The following RPS6KA4 variants were observed in gnomAD, a reference collection of about 807,000 sequenced individuals.
RPS6KA4 encodes the protein ribosomal protein S6 kinase A4.
A neutral mutation model predicts 89.6 loss-of-function variants in RPS6KA4; 38 were observed. The observed-to-expected ratio is 0.42, with a 90% CI of 0.33 to 0.56. The LOEUF (loss-of-function observed/expected upper bound fraction) is 0.56, where lower values mean the gene tolerates loss of function less well. Among genes scored for constraint, RPS6KA4 ranks in the 20% least tolerant of loss-of-function variants. The probability of loss-of-function intolerance (pLI) is 0.07; values close to 1 mark genes in which losing one functional copy is unlikely to be tolerated. For synonymous variants in RPS6KA4, 495 were observed against 492.8 expected (o/e 1.00, Z -0.06); for missense variants, 873 against 1,098.8 (o/e 0.79, Z 2.90).
chr11:64,360,717 T>A, intron 4 of RPS6KA4, 125 bp downstream of exon 4: 2 of 839,000 alleles, frequency 2.4e-6, no homozygotes, highest in Non-Finnish European at 3.7e-6. Flanking sequence ...GTGAGCTGGG[T>A]GGGAATTGGA....
chr11:64,370,244 A>C lies in RPS6KA4; in HGVS notation c.1817A>C (p.Gln606Pro). 6.4e-7 allele frequency: 1 copy of C among 1,569,456 alleles called. No homozygotes were observed. Among genetic ancestry groups the C allele is most frequent in the Non-Finnish European group, 8.6e-7 (1 of 1,165,162 alleles). The change falls in exon 15 of 17, where the codon CAG becomes CCG. Residue 606 changes from glutamine (Q) to proline (P), a missense_variant. By Grantham distance (76) the Gln-to-Pro change is moderately conservative. This residue lies in a region of RPS6KA4 where 278 missense variants were observed against 284.8 expected (regional missense o/e 0.98). Transcript: ENST00000334205. The surrounding 1 kb of genome is among the most constrained non-coding windows in gnomAD (Gnocchi z 4.1). ...TCCTAGTACATGATGCTGTCGGGGCAGGTCCCCTTCCAGGGGGCCTCTGGC... is the reference window on the plus strand; with the variant it reads ...TCCTAGTACATGATGCTGTCGGGGCCGGTCCCCTTCCAGGGGGCCTCTGGC... The part of the protein sequence containing the change: ...GVILYMMLSG[Q>P]VPFQGASGQG...
intron 16 of RPS6KA4, 110 bp from the exon 17 acceptor site, chr11:64,371,173 T>G (rs1260127843): frequency 2.1e-6 from 2 of 952,764 alleles, no homozygotes; most frequent in African/African-American, 3.5e-5. Context: ...CAAGGCCCTG[T>G]CGGCCTTGAC....
In RPS6KA4 at chr11:64,369,768, C is replaced by A; in HGVS notation, c.1672C>A (p.Arg558=). 1.2e-6 allele frequency: 2 copies of A among 1,611,528 alleles called. No individual in the cohort carries two copies. Among genetic ancestry groups the A allele is most frequent in the Non-Finnish European group, 1.7e-6 (2 of 1,179,380 alleles). Residue 558 remains arginine (R), a synonymous_variant, in exon 14 of 17, where the codon CGG becomes AGG. Coordinates refer to ENST00000334205, the MANE Select transcript of RPS6KA4 (RefSeq NM_003942.3). Reference sequence around the variant, plus strand: ...CATCGACTTCGGGTTCGCGCGGTTGCGGCCGCAGAGTCCCGGGGTGCCCAT... The same window carrying A: ...CATCGACTTCGGGTTCGCGCGGTTGAGGCCGCAGAGTCCCGGGGTGCCCAT... ...KIIDFGFARL[R]PQSPGVPMQT...
chr11:64,361,259 C>T lies in RPS6KA4; in HGVS notation c.570+18C>T. ...CGGAGGAGGTGAGTGGAGGCCACCT[C>T]TGCCTGCAGTGCCCCATTCAATCCT... On this transcript the variant is annotated intron_variant, in intron 5 of 16. Transcript: ENST00000334205. This position sits in a 1 kb window ranked among gnomAD's most constrained non-coding sequence, Gnocchi z 4.7. 6.3e-7 allele frequency: 1 copy of T among 1,597,228 alleles called. No individual in the cohort carries two copies. Among genetic ancestry groups the T allele is most frequent in the Non-Finnish European group, 8.6e-7 (1 of 1,165,912 alleles).
At position 64,371,435 on chromosome 11, in the gene RPS6KA4, C is replaced by A; in HGVS notation, c.2274C>A (p.Ser758=). The change falls in exon 17 of 17, where the codon TCC becomes TCA. Residue 758 remains serine, a synonymous_variant. Coordinates refer to ENST00000334205, the MANE Select transcript of RPS6KA4 (RefSeq NM_003942.3). ...PANPGRAPVA[S]KGAPRRANGP... is the part of the protein sequence containing the mutation. ...ACCCGGGCCGAGCCCCCGTCGCCTC[C>A]AAAGGGGCCCCCCGCCGAGCCAACG... The A allele has an allele frequency of 6.3e-7, 1 of 1,591,606 alleles. No individual in the cohort carries two copies. The highest frequency in any genetic ancestry group is 8.6e-7 in the Non-Finnish European group (1 of 1,168,616).
intron 10 of RPS6KA4, 54 bp downstream of exon 10, chr11:64,368,314 C>T (rs2036940915): frequency 6.3e-7 from 1 of 1,592,098 alleles, no homozygotes; most frequent in Non-Finnish European, 8.5e-7. Flanking sequence ...GAGGCCTAGG[C>T]CCGGGGACTC....
Position 64,370,159 on chromosome 11 carries a change from G to T in RPS6KA4, c.1798-66G>T. 6.7e-7 allele frequency: 1 copy of T among 1,488,358 alleles called. No homozygotes were observed. The highest frequency in any genetic ancestry group is 1.4e-5 in the South Asian group (1 of 70,792). 92.2% of individuals were successfully genotyped at this position (1,488,358 alleles called of 1,614,324 possible). ...TAGTGGGGAGGGTGAGTGGTTCTGT[G>T]GGAGCGGAGGGGTCAGCCTCGGCAC... On this transcript the variant is annotated intron_variant, in intron 14 of 16. Coordinates refer to ENST00000334205, the MANE Select transcript of RPS6KA4 (RefSeq NM_003942.3). The surrounding 1 kb of genome is among the most constrained non-coding windows in gnomAD (Gnocchi z 4.1).
At chr11:64,366,532 T>C (rs1036995384) in intron 9 of RPS6KA4, among the ~76,000 whole-genome samples, 2 of 152,220 alleles carry the variant, frequency 1.3e-5, no homozygotes, top group African/African-American at 4.8e-5. Context: ...TGCTTGGGCA[T>C]TGAGGCCCTT....
Position 64,371,742 on chromosome 11 carries a change from G to A in RPS6KA4, c.*262G>A. The A allele has an allele frequency of 5.2e-6, 2 of 385,642 alleles. No homozygotes were observed. The highest frequency in any genetic ancestry group is 4.6e-5 in the South Asian group (1 of 21,930). 23.9% of individuals were successfully genotyped at this position (385,642 alleles called of 1,614,324 possible). On this transcript the variant is annotated 3_prime_UTR_variant, in exon 17 of 17. Coordinates refer to ENST00000334205, the MANE Select transcript of RPS6KA4 (RefSeq NM_003942.3). ...TCTCCCAGGACACTGCCTCTTCTGG[G>A]CAGAAGGCCCCTCCAGGGGGACTGC...
At chr11:64,360,664 GGGCAGCCTCAGGCTT>G (rs2036721119) in intron 4 of RPS6KA4, 72 bp downstream of exon 4, 3 of 1,358,894 alleles carry the variant, frequency 2.2e-6, no homozygotes, top group Middle Eastern at 3.8e-4. Flanking sequence ...TCTGCACGCA[GGGCAGCCTCAGGCTT>G]CCCCCTGGGC....
Position 64,370,538 on chromosome 11 carries a change from C to T in RPS6KA4, c.1958-25C>T, listed in dbSNP as rs1400182905. 4.4e-6 allele frequency: 7 copies of T among 1,590,256 alleles called. No homozygotes were observed. Among genetic ancestry groups the T allele is most frequent in the Non-Finnish European group, 6.0e-6 (7 of 1,172,660 alleles). On this transcript the variant is annotated intron_variant, in intron 15 of 16. Transcript: ENST00000334205. This position sits in a 1 kb window ranked among gnomAD's most constrained non-coding sequence, Gnocchi z 4.1. ...CTCAGCCTTTACGCCAGGCTCCTCC[C>T]CACACTTCCTTGCCCCGCCTCCAGG...
In RPS6KA4 at chr11:64,361,432, G is replaced by A. The variant is rs778320460; in HGVS notation, c.571-37G>A. 20 of 1,610,764 alleles carry A rather than the reference G, an allele frequency of 1.2e-5. No homozygotes were observed. Among genetic ancestry groups the A allele is most frequent in the Non-Finnish European group, 1.7e-5 (20 of 1,177,516 alleles). ...TTGTGGGGCACTGGGGCACAGGAGA[G>A]GTTTCGACATCTAAGCAGGACCTCT... On this transcript the variant is annotated intron_variant, in intron 5 of 16. Coordinates refer to ENST00000334205, the MANE Select transcript of RPS6KA4 (RefSeq NM_003942.3). The surrounding 1 kb of genome is among the most constrained non-coding windows in gnomAD (Gnocchi z 4.7).
intron 12 of RPS6KA4, 56 bp from the exon 13 acceptor site, chr11:64,369,390 G>A (rs937901883): frequency 3.3e-6 from 5 of 1,500,332 alleles, no homozygotes; most frequent in Non-Finnish European, 4.4e-6. Context: ...TGGGTGGTGG[G>A]AGGGGGCTTG....
At position 64,370,788 on chromosome 11, in the gene RPS6KA4, G is replaced by T; in HGVS notation, c.2121+62G>T. 1 of 1,452,056 alleles carries T rather than the reference G, an allele frequency of 6.9e-7. No individual in the cohort carries two copies. Among genetic ancestry groups the T allele is most frequent in the Non-Finnish European group, 9.1e-7 (1 of 1,102,312 alleles). 89.9% of individuals were successfully genotyped at this position (1,452,056 alleles called of 1,614,324 possible). On this transcript the variant is annotated intron_variant, in intron 16 of 16. Coordinates refer to ENST00000334205, the MANE Select transcript of RPS6KA4 (RefSeq NM_003942.3). The surrounding 1 kb of genome is among the most constrained non-coding windows in gnomAD (Gnocchi z 4.1). ...GAAGCCTCGAGAGGTGGGGTCTGGG[G>T]AGGCCCGGCCATCGGAGCACAGAAA...
At chr11:64,364,686 T>C (rs143209966) in intron 8 of RPS6KA4, among the ~76,000 whole-genome samples, 1 of 151,050 alleles carries the variant, frequency 6.6e-6, no homozygotes, top group South Asian at 2.1e-4. Context: ...GACCACATCC[T>C]CTTAGATTTA....
In RPS6KA4 at chr11:64,360,573, C is replaced by T; in HGVS notation, c.443C>T (p.Ala148Val). The T allele has an allele frequency of 6.2e-7, 1 of 1,608,872 alleles. No homozygotes were observed. The highest frequency in any genetic ancestry group is 8.5e-7 in the Non-Finnish European group (1 of 1,177,726). ...GTGTATGGGGGTGAGATCGTGCTGG[C>T]CCTGGAACACCTGCACAAGGTGGGT... is the stretch of plus-strand genomic sequence containing the variant. Reference protein sequence around the residue: ...VRVYGGEIVLALEHLHKLGII... With the variant: ...VRVYGGEIVLVLEHLHKLGII... The change falls in exon 4 of 17, where the codon GCC becomes GTC. Residue 148 changes from alanine (A) to valine (V), a missense_variant. This residue lies in a region of RPS6KA4 where 542 missense variants were observed against 736.4 expected (regional missense o/e 0.74). Transcript: ENST00000334205.
At chr11:64,359,534 C>G (rs2036684087) in intron 2 of RPS6KA4, 85 bp downstream of exon 2, 1 of 1,428,146 alleles carries the variant, frequency 7.0e-7, no homozygotes, top group Admixed American at 1.9e-5. Context: ...TGGGCCAGGC[C>G]ACTGAGCAGG....
Position 64,370,700 on chromosome 11 carries a change from C to T in RPS6KA4, c.2095C>T (p.Arg699Cys). ...GCTCGAGTCCTCTGGGCCCGCAGTG[C>T]GCTCGGGTCTCAACGCCACCTTCAT... is the stretch of plus-strand genomic sequence containing the variant. Reference protein sequence around the residue: ...DVLESSGPAVRSGLNATFMAF... With the variant: ...DVLESSGPAVCSGLNATFMAF... The change falls in exon 16 of 17, where the codon CGC becomes TGC. Residue 699 changes from arginine (R) to cysteine (C), a missense_variant. Physicochemically the swap from Arg to Cys is radical, Grantham distance 180 (BLOSUM62 -3). Coordinates refer to ENST00000334205, the MANE Select transcript of RPS6KA4 (RefSeq NM_003942.3). This position sits in a 1 kb window ranked among gnomAD's most constrained non-coding sequence, Gnocchi z 4.1. 1.3e-6 allele frequency: 2 copies of T among 1,565,978 alleles called. No homozygotes were observed. The highest frequency in any genetic ancestry group is 1.7e-6 in the Non-Finnish European group (2 of 1,160,546).
intron 12 of RPS6KA4, 102 bp downstream of exon 12, chr11:64,368,899 C>A: frequency 1.8e-6 from 2 of 1,126,354 alleles, no homozygotes; most frequent in Non-Finnish European, 1.3e-6. Context: ...CGGGGCCTAG[C>A]GTTTGATTCG....
Sources: allele counts gnomAD v4.1 joint callset (sites outside exome capture counted in the v4.1 genomes callset), GRCh38; gene constraint gnomAD v4.1.1; regional missense constraint gnomAD v4.1.1; non-coding constraint Gnocchi (gnomAD v3.1); transcripts MANE v1.5; gene names NCBI Gene and HGNC (gene_info 2026-07-23, HGNC 2026-07-21).